The following ARL6IP4 variants were observed in gnomAD, a reference collection of about 807,000 sequenced individuals.
ARL6IP4 encodes the protein ARF like GTPase 6 interacting protein 4, also known as ADP-ribosylation factor-like protein 6-interacting protein 4.
Under a neutral mutation model 28.1 loss-of-function variants are expected in ARL6IP4, and 24 were observed. The ratio of observed to expected loss-of-function variants is 0.86; its 90% CI spans 0.62 to 1.20. ARL6IP4 has a LOEUF of 1.20. Ranked by LOEUF, ARL6IP4 falls within the 50% of genes most tolerant of loss-of-function variation. ARL6IP4 has a pLI of 0.00. For missense variants in ARL6IP4, 343 were observed against 302.4 expected (o/e 1.13, Z -1.00); for synonymous variants, 162 against 122.3 (o/e 1.32, Z -2.14).
intron 4 of ARL6IP4, 87 bp downstream of exon 4, chr12:122,982,161 G>A (rs751898834): frequency 1.5e-5 from 23 of 1,491,598 alleles, no homozygotes; most frequent in Non-Finnish European, 2.1e-5. Flanking sequence ...GGGCCGGGCG[G>A]GGTTCCTGGT....
In ARL6IP4 at chr12:122,980,742, C is replaced by A. The variant is rs1048808727; in HGVS notation, c.-15C>A. ...CGGGCTGTCCGGCCCGCAGGGCGGT[C>A]GAGGTGGGAACGGAGCAGCCCCGGG... On this transcript the variant is annotated 5_prime_UTR_variant, in exon 1 of 6. Transcript: ENST00000315580. 3.8e-6 allele frequency: 5 copies of A among 1,320,658 alleles called. No homozygotes were observed. The South Asian group carries it at 6.3e-5, about 17-fold the overall frequency. 81.8% of individuals were successfully genotyped at this position (1,320,658 alleles called of 1,614,324 possible).
intron 1 of ARL6IP4, 115 bp downstream of exon 1, chr12:122,980,860 C>A (rs2037613587): frequency 1.5e-6 from 2 of 1,332,102 alleles, no homozygotes; most frequent in Non-Finnish European, 1.9e-6. Flanking sequence ...CGGCGGACGG[C>A]GGCCAGTTCC....
intron 1 of ARL6IP4, 191 bp downstream of exon 1, chr12:122,980,936 C>T (rs906704105): frequency 1.4e-6 from 2 of 1,384,662 alleles, no homozygotes; most frequent in African/African-American, 1.5e-5. Flanking sequence ...TTAACAGGCA[C>T]CGCTGCGGGG....
At position 122,982,698 on chromosome 12, in the gene ARL6IP4, T is replaced by C; in HGVS notation, c.*22T>C. ...CTGAGGGCCCCCGCTGGCCAAGGCC[T>C]GTGGACGACGCTGGCGGCCCAGCCT... On this transcript the variant is annotated 3_prime_UTR_variant, in exon 6 of 6. Transcript: ENST00000315580. The C allele has an allele frequency of 6.2e-7, 1 of 1,610,676 alleles. No homozygotes were observed. The highest frequency in any genetic ancestry group is 8.5e-7 in the Non-Finnish European group (1 of 1,178,152).
chr12:122,982,013 G>A lies in ARL6IP4; in HGVS notation c.526G>A (p.Glu176Lys). Residue 176 changes from glutamate to lysine, a missense_variant, in exon 4 of 6, where the codon GAG (glutamate) becomes AAG (lysine). Coordinates refer to ENST00000315580, the MANE Select transcript of ARL6IP4 (RefSeq NM_018694.4). Reference protein sequence around the residue: ...IQAMKPMTKEEWDARQSIIRK... With the variant: ...IQAMKPMTKEKWDARQSIIRK... ...GGCCATGAAGCCCATGACCAAGGAGGAGTGGGATGCCCGGCAGAGCATCAT... is the reference window on the plus strand; with the variant it reads ...GGCCATGAAGCCCATGACCAAGGAGAAGTGGGATGCCCGGCAGAGCATCAT... 1 of 1,613,714 alleles carries A rather than the reference G, an allele frequency of 6.2e-7. No homozygotes were observed. Among genetic ancestry groups the A allele is most frequent in the Non-Finnish European group, 8.5e-7 (1 of 1,180,038 alleles).
At position 122,981,683 on chromosome 12, in the gene ARL6IP4, GTCCTCCTCCTCT is replaced by G; in HGVS notation, c.280_291del (p.Ser95_Ser98del). 3 of 1,553,088 alleles carry G rather than the reference GTCCTCCTCCTCT, an allele frequency of 1.9e-6. No homozygotes were observed. Among genetic ancestry groups the G allele is most frequent in the Non-Finnish European group, 2.6e-6 (3 of 1,147,624 alleles). The stretch of plus-strand genomic sequence containing the variant: ...CTTCTAGCTCCTCTTCTTCCTCCTC[GTCCTCCTCCTCT>G]TCCTCCAGTGATGGCCGGAAGAAGC... On this transcript the variant is annotated inframe_deletion, in exon 3 of 6. Transcript: ENST00000315580.
chr12:122,981,442 G>A (rs1374654856), intron 2 of ARL6IP4, 129 bp from the exon 3 acceptor site: 132 of 1,384,068 alleles, frequency 9.5e-5, no homozygotes, highest in Non-Finnish European at 1.3e-4. Context: ...CCAGGAAGGG[G>A]CTCCTCTGGG....
chr12:122,981,926 G>A (rs1457489576), intron 3 of ARL6IP4, 31 bp from the exon 4 acceptor site: 2 of 1,613,616 alleles, frequency 1.2e-6, no homozygotes, highest in Non-Finnish European at 1.7e-6. Context: ...GCTTCCCAAG[G>A]CCTGGCCACC....
Position 122,981,390 on chromosome 12 carries a change from G to T in ARL6IP4, c.160+91G>T, listed in dbSNP as rs568393968. The T allele has an allele frequency of 1.3e-4, 195 of 1,456,610 alleles. 4 individuals are homozygous for T. The South Asian group carries it at 2.4e-3, about 18-fold the overall frequency. The allele number at this position is 1,456,610 out of a possible 1,614,324, so 90.2% of individuals were successfully genotyped here. ...GTCGGGGACGCTCAGTCATGCCTCT[G>T]TGCAGCCGGGCCTGAGATGTGAGGG... On this transcript the variant is annotated intron_variant, in intron 2 of 5. Coordinates refer to ENST00000315580, the MANE Select transcript of ARL6IP4 (RefSeq NM_018694.4).
rs2037749151 is a variant in ARL6IP4, at chr12:122,982,622, A to C, written c.660A>C (p.Gln220His). 1 of 1,613,944 alleles carries C rather than the reference A, an allele frequency of 6.2e-7. No homozygotes were observed. Among genetic ancestry groups the C allele is most frequent in the South Asian group, 1.1e-5 (1 of 91,090 alleles). ...CTCCTGTGTGCTTTCTTCCCCAGCAAGCCACCCGAGGGGACTGCCTGGCCT... is the reference window on the plus strand; with the variant it reads ...CTCCTGTGTGCTTTCTTCCCCAGCACGCCACCCGAGGGGACTGCCTGGCCT... ...TKERHREINKQATRGDCLAFQ... is the reference protein window; with the variant it reads ...TKERHREINKHATRGDCLAFQ... The change falls in exon 6 of 6, where the codon CAA (glutamine) becomes CAC (histidine). Residue 220 changes from glutamine to histidine, a missense_variant and splice_region_variant. Coordinates refer to ENST00000315580, the MANE Select transcript of ARL6IP4 (RefSeq NM_018694.4).
intron 2 of ARL6IP4, 83 bp downstream of exon 2, chr12:122,981,382 A>G (rs930775692): frequency 2.7e-5 from 40 of 1,474,278 alleles, no homozygotes; most frequent in Non-Finnish European, 3.1e-5. Context: ...ACGCTCAGTC[A>G]TGCCTCTGTG....
intron 4 of ARL6IP4, 85 bp downstream of exon 4, chr12:122,982,159 C>T (rs1278817376): frequency 6.7e-6 from 10 of 1,499,224 alleles, no homozygotes; most frequent in East Asian, 4.5e-5. Flanking sequence ...TGGGGCCGGG[C>T]GGGGTTCCTG....
Position 122,981,437 on chromosome 12 carries a change from A to T in ARL6IP4, c.161-134A>T. On this transcript the variant is annotated intron_variant, in intron 2 of 5. Coordinates refer to ENST00000315580, the MANE Select transcript of ARL6IP4 (RefSeq NM_018694.4). ...AGGGCCAGGCGCCGCAGGAGCCAGGAAGGGGCTCCTCTGGGAAGCTCCATC... is the reference window on the plus strand; with the variant it reads ...AGGGCCAGGCGCCGCAGGAGCCAGGTAGGGGCTCCTCTGGGAAGCTCCATC... 3 of 1,373,496 alleles carry T rather than the reference A, an allele frequency of 2.2e-6. No individual in the cohort carries two copies. In the South Asian group the frequency reaches 4.5e-5, roughly 21 times the overall value. The allele number at this position is 1,373,496 out of a possible 1,614,324, so 85.1% of individuals were successfully genotyped here.
Position 122,982,030 on chromosome 12 carries a change from G to C in ARL6IP4, c.543G>C (p.Gln181His), listed in dbSNP as rs774308051. ...CCAAGGAGGAGTGGGATGCCCGGCA[G>C]AGCATCATCCGCAAGGTGGTGGACC... The part of the protein sequence containing the change: ...PMTKEEWDAR[Q>H]SIIRKVVDPE... Residue 181 changes from glutamine (Q) to histidine (H), a missense_variant, in exon 4 of 6, where the codon CAG becomes CAC. Physicochemically the swap from Gln to His is conservative, Grantham distance 24 (BLOSUM62 0). Coordinates refer to ENST00000315580, the MANE Select transcript of ARL6IP4 (RefSeq NM_018694.4). The C allele has an allele frequency of 6.2e-7, 1 of 1,613,680 alleles. No individual in the cohort carries two copies. Among genetic ancestry groups the C allele is most frequent in the Admixed American group, 1.7e-5 (1 of 60,024 alleles).
At chr12:122,980,603 C>T, upstream of ARL6IP4, 2 of 1,409,118 alleles carry the variant, frequency 1.4e-6, no homozygotes, top group South Asian at 1.5e-5. Flanking sequence ...GGGACGGAAC[C>T]TGGGGCGTCA....
rs2037672256 is a variant in ARL6IP4 at position 122,981,734 on chromosome 12, GGAC to G, written c.325_327del (p.Asp109del). 1 of 1,553,856 alleles carries G rather than the reference GGAC, an allele frequency of 6.4e-7. No individual in the cohort carries two copies. The highest frequency in any genetic ancestry group is 1.4e-5 in the African/African-American group (1 of 73,174). Reference sequence around the variant, plus strand: ...GCCGGAAGAAGCGGGGGAAGTACAAGGACAAGAGGAGGAAGAAGAAGAAGAAGA... The same window carrying G: ...GCCGGAAGAAGCGGGGGAAGTACAAGAAGAGGAGGAAGAAGAAGAAGAAGA... On this transcript the variant is annotated inframe_deletion, in exon 3 of 6. Transcript: ENST00000315580.
rs762313891 is a variant in ARL6IP4, at chr12:122,982,601, T to C, written c.658-19T>C. 2.5e-6 allele frequency: 4 copies of C among 1,614,018 alleles called. No individual in the cohort carries two copies. Among genetic ancestry groups the C allele is most frequent in the Non-Finnish European group, 3.4e-6 (4 of 1,180,026 alleles). ...TCTGTTTGTGATGTACCCCTCCTCC[T>C]GTGTGCTTTCTTCCCCAGCAAGCCA... On this transcript the variant is annotated intron_variant, in intron 5 of 5. Coordinates refer to ENST00000315580, the MANE Select transcript of ARL6IP4 (RefSeq NM_018694.4).
intron 5 of ARL6IP4, 28 bp downstream of exon 5, chr12:122,982,566 C>G: frequency 6.8e-6 from 11 of 1,614,176 alleles, no homozygotes; most frequent in Non-Finnish European, 9.3e-6. Flanking sequence ...GCCTGCCATC[C>G]GCCCCCAGCT....
chr12:122,982,022 G>T lies in ARL6IP4; in HGVS notation c.535G>T (p.Ala179Ser). 2 of 1,613,682 alleles carry T rather than the reference G, an allele frequency of 1.2e-6. No individual in the cohort carries two copies. The highest frequency in any genetic ancestry group is 1.7e-6 in the Non-Finnish European group (2 of 1,180,034). Residue 179 changes from alanine (A) to serine (S), a missense_variant, in exon 4 of 6, where the codon GCC becomes TCC. Ala to Ser is a moderately conservative substitution (Grantham distance 99). Coordinates refer to ENST00000315580, the MANE Select transcript of ARL6IP4 (RefSeq NM_018694.4). ...GCCCATGACCAAGGAGGAGTGGGAT[G>T]CCCGGCAGAGCATCATCCGCAAGGT... ...MKPMTKEEWD[A>S]RQSIIRKVVD...
Sources: gnomAD v4.1 joint callset for allele counts on GRCh38, gnomAD v4.1.1 for gene constraint, MANE v1.5 for transcripts, NCBI Gene and HGNC (gene_info 2026-07-23, HGNC 2026-07-21) for gene names.